Variants in KCNK10 observed in about 807,000 individuals in gnomAD.
KCNK10 encodes potassium channel subfamily K member 10.
Under a neutral mutation model 47.7 loss-of-function variants are expected in KCNK10, and 25 were observed. The observed-to-expected ratio is 0.52, with a 90% confidence interval of 0.38 to 0.73. The LOEUF (loss-of-function observed/expected upper bound fraction) is 0.73, where lower values mean the gene tolerates loss of function less well. Ranked by LOEUF, KCNK10 falls within the 30% of genes least tolerant of loss-of-function variation. KCNK10 has a pLI of 0.00. For synonymous variants in KCNK10, 303 were observed against 285.6 expected (o/e 1.06, Z -0.61); for missense variants, 563 against 714.5 (o/e 0.79, Z 2.42).
At chr14:88,209,522 G>A (rs1472850610) in intron 4 of KCNK10, among the ~76,000 whole-genome samples, 1 of 152,376 alleles carries the variant, frequency 6.6e-6, no homozygotes, top group East Asian at 1.9e-4. Flanking sequence ...CTGCACTCTT[G>A]CTTGTGCTGT....
chr14:88,262,194 C>T (rs1019002574), intron 2 of KCNK10, among the ~76,000 whole-genome samples: 3 of 152,142 alleles, frequency 2.0e-5, no homozygotes, highest in African/African-American at 7.2e-5. Flanking sequence ...AACTTTAGAG[C>T]CCCCAGAAAG....
At chr14:88,202,479 C>A (rs1250119387) in intron 4 of KCNK10, among the ~76,000 whole-genome samples, 1 of 152,214 alleles carries the variant, frequency 6.6e-6, no homozygotes, top group East Asian at 1.9e-4. Flanking sequence ...GCTTTCCCAG[C>A]CATAAAGACA....
chr14:88,317,072 C>T (rs1333884692), intron 1 of KCNK10, among the ~76,000 whole-genome samples: 1 of 152,170 alleles, frequency 6.6e-6, no homozygotes, highest in African/African-American at 2.4e-5. Context: ...GCTCCTTAGA[C>T]ACTGCTGGAA....
At chr14:88,244,732 A>T (rs1477182435) in intron 2 of KCNK10, among the ~76,000 whole-genome samples, 2 of 152,184 alleles carry the variant, frequency 1.3e-5, no homozygotes, top group African/African-American at 2.4e-5. Context: ...AGCCCATTAG[A>T]ATGTATGAGC....
At chr14:88,235,182 C>G in intron 3 of KCNK10, 1 of 456,676 alleles carries the variant, frequency 2.2e-6, no homozygotes, top group Non-Finnish European at 4.4e-6. Context: ...TTAGGATGTG[C>G]TGTCTGGAAG....
At chr14:88,216,137 G>A (rs1885611838) in intron 4 of KCNK10, among the ~76,000 whole-genome samples, 1 of 152,178 alleles carries the variant, frequency 6.6e-6, no homozygotes, top group Admixed American at 6.5e-5. Context: ...TTCTTGGTGA[G>A]AAATGATCTC....
At chr14:88,270,605 C>T (rs1203519520) in intron 1 of KCNK10, 1 of 728,808 alleles carries the variant, frequency 1.4e-6, no homozygotes, top group East Asian at 2.4e-5. Flanking sequence ...GATGAAATGA[C>T]TGAGACCCTA....
chr14:88,265,935 T>C (rs368799847), intron 1 of KCNK10, among the ~76,000 whole-genome samples: 184 of 152,348 alleles, frequency 1.2e-3, no homozygotes, highest in African/African-American at 4.3e-3. Flanking sequence ...ATTAAACTTC[T>C]TTCCTTTATA....
rs1886027339 is a variant in KCNK10, at chr14:88,227,546, A to G, written c.521-11T>C. 6.3e-7 allele frequency: 1 copy of G among 1,578,368 alleles called. No individual in the cohort carries two copies. The highest frequency in any genetic ancestry group is 1.2e-5 in the South Asian group (1 of 84,384). On this transcript the variant is annotated splice_polypyrimidine_tract_variant and intron_variant, in intron 3 of 6. Coordinates refer to ENST00000319231, the MANE Select transcript of KCNK10 (RefSeq NM_138317.3). ...CAATATTCCCATACCCTGGTGAGAA[A>G]TATGAAAAAGAGGGAGAGTGGCAGA...
chr14:88,313,195 T>C (rs898202805), intron 1 of KCNK10, among the ~76,000 whole-genome samples: 19 of 152,228 alleles, frequency 1.2e-4, no homozygotes, highest in African/African-American at 4.3e-4. Flanking sequence ...TTCTTTGGAT[T>C]ATGAATAGGA....
At chr14:88,278,041 A>C (rs1887564379) in intron 1 of KCNK10, among the ~76,000 whole-genome samples, 2 of 152,186 alleles carry the variant, frequency 1.3e-5, no homozygotes, top group African/African-American at 4.8e-5. Flanking sequence ...ATTGTGCTTC[A>C]GGCATCGGAG....
At chr14:88,271,329 G>A (rs1281209589) in intron 1 of KCNK10, among the ~76,000 whole-genome samples, 2 of 152,118 alleles carry the variant, frequency 1.3e-5, no homozygotes, top group African/African-American at 2.4e-5. Context: ...TCACACACCT[G>A]CCCAACAGAA....
chr14:88,198,682 C>T (rs73322360), intron 4 of KCNK10, among the ~76,000 whole-genome samples: 4,194 of 152,184 alleles, frequency 0.028, 216 homozygotes, highest in African/African-American at 0.096. Flanking sequence ...CCACCTGCTG[C>T]AATACACATG....
intron 5 of KCNK10, 69 bp from the exon 6 acceptor site, chr14:88,188,178 T>C: frequency 1.3e-6 from 2 of 1,514,190 alleles, no homozygotes; most frequent in Non-Finnish European, 1.8e-6. Flanking sequence ...ACATATTCCA[T>C]TCCATGTAGT....
chr14:88,291,175 C>A (rs1887868167), intron 1 of KCNK10, among the ~76,000 whole-genome samples: 1 of 152,234 alleles, frequency 6.6e-6, no homozygotes, highest in Non-Finnish European at 1.5e-5. Flanking sequence ...CTTTCTCAGG[C>A]ACAGGAGTTT....
chr14:88,274,586 G>A (rs1021490135), intron 1 of KCNK10, among the ~76,000 whole-genome samples: 4 of 125,474 alleles, frequency 3.2e-5, no homozygotes, highest in African/African-American at 5.9e-5. Context: ...GCTTAAGTCC[G>A]TAACATGTCC....
At chr14:88,208,621 C>CT (rs932864113) in intron 4 of KCNK10, among the ~76,000 whole-genome samples, 10 of 151,420 alleles carry the variant, frequency 6.6e-5, no homozygotes, top group South Asian at 2.1e-4. Flanking sequence ...TTGATACTTG[C>CT]TTTTTTTTTG....
intron 6 of KCNK10, 99 bp downstream of exon 6, chr14:88,187,868 G>A (rs980185257): frequency 1.7e-5 from 17 of 991,012 alleles, no homozygotes; most frequent in African/African-American, 3.3e-5. Context: ...CTGCAAAACC[G>A]AGCCAGAAAC....
At chr14:88,290,155 T>G (rs973532270) in intron 1 of KCNK10, among the ~76,000 whole-genome samples, 1 of 152,160 alleles carries the variant, frequency 6.6e-6, no homozygotes, top group East Asian at 1.9e-4. Flanking sequence ...GATCAGGAGA[T>G]GATCCTGGAT....
Sources: allele counts gnomAD v4.1 joint callset (sites outside exome capture counted in the v4.1 genomes callset), GRCh38; gene constraint gnomAD v4.1.1; transcripts MANE v1.5; gene names NCBI Gene and HGNC (gene_info 2026-07-23, HGNC 2026-07-21).